IGBP1C: variants seen among roughly 807,000 people sequenced by gnomAD.
IGBP1C encodes immunoglobulin-binding protein 1 family member C.
At chr17:58,671,312 T>A in the IGBP1C span, among the ~76,000 whole-genome samples, 1 of 152,202 alleles carries the variant, frequency 6.6e-6, no homozygotes, top group East Asian at 1.9e-4. Flanking sequence ...TAACTTTTTG[T>A]GCCATCCCCT....
the IGBP1C span, among the ~76,000 whole-genome samples, chr17:58,667,865 C>T: frequency 6.6e-6 from 1 of 150,928 alleles, no homozygotes; most frequent in Admixed American, 6.6e-5. Flanking sequence ...CGCACTCCAG[C>T]CTGGGCGACA....
At chr17:58,679,044 C>T in the IGBP1C span, among the ~76,000 whole-genome samples, 54 of 151,998 alleles carry the variant, frequency 3.6e-4, no homozygotes, top group Middle Eastern at 3.4e-3. Flanking sequence ...ATCCCAGCTA[C>T]TCAAGAGGCT....
At chr17:58,686,926 C>A in the IGBP1C span, among the ~76,000 whole-genome samples, 1 of 136,682 alleles carries the variant, frequency 7.3e-6, no homozygotes, top group Non-Finnish European at 1.5e-5. Flanking sequence ...CACCCTAGAG[C>A]GCAGGGGAGG....
the IGBP1C span, among the ~76,000 whole-genome samples, chr17:58,675,853 G>A: frequency 6.6e-6 from 1 of 152,152 alleles, no homozygotes; most frequent in African/African-American, 2.4e-5. Flanking sequence ...GGCCTCCAAA[G>A]GTACGGTGAT....
chr17:58,679,170 A>T, the IGBP1C span, among the ~76,000 whole-genome samples: 1 of 152,130 alleles, frequency 6.6e-6, no homozygotes, highest in East Asian at 1.9e-4. Context: ...AAAGAAAAAA[A>T]ACAGAAGGAC....
At chr17:58,684,548 T>A in the IGBP1C span, among the ~76,000 whole-genome samples, 7 of 150,564 alleles carry the variant, frequency 4.6e-5, no homozygotes, top group African/African-American at 1.5e-4. Context: ...GGCAGGAGAA[T>A]CACTTGAACC....
the IGBP1C span, among the ~76,000 whole-genome samples, chr17:58,662,729 T>G: frequency 9.1e-4 from 139 of 152,234 alleles, 1 homozygote; most frequent in African/African-American, 3.3e-3. Context: ...GAAGGAAGGG[T>G]TGATGCTCAG....
the IGBP1C span, among the ~76,000 whole-genome samples, chr17:58,690,403 C>T: frequency 6.6e-6 from 1 of 152,060 alleles, no homozygotes; most frequent in Non-Finnish European, 1.5e-5. Context: ...TGAGATCAAG[C>T]GATGTGCCCT....
At chr17:58,688,941 T>A in the IGBP1C span, among the ~76,000 whole-genome samples, 169 of 151,988 alleles carry the variant, frequency 1.1e-3, 1 homozygote, top group African/African-American at 3.7e-3. Flanking sequence ...ATACATATAT[T>A]TTTTTTTGAG....
At chr17:58,664,253 T>C in the IGBP1C span, among the ~76,000 whole-genome samples, 1 of 152,190 alleles carries the variant, frequency 6.6e-6, no homozygotes, top group South Asian at 2.1e-4. Context: ...CTTTCAATGG[T>C]ATCCATGAAT....
At chr17:58,687,625 A>G in the IGBP1C span, among the ~76,000 whole-genome samples, 2 of 151,894 alleles carry the variant, frequency 1.3e-5, no homozygotes, top group East Asian at 3.9e-4. Flanking sequence ...GAGCCACTGC[A>G]CCCGGCCGTG....
At chr17:58,678,606 T>C in the IGBP1C span, among the ~76,000 whole-genome samples, 31 of 151,828 alleles carry the variant, frequency 2.0e-4, no homozygotes, top group Non-Finnish European at 2.9e-5. Context: ...TTCTCACTCA[T>C]AGGTGGGAAT....
At chr17:58,676,184 T>C in the IGBP1C span, among the ~76,000 whole-genome samples, 2 of 152,124 alleles carry the variant, frequency 1.3e-5, no homozygotes, top group African/African-American at 4.8e-5. Context: ...AAGCCCAGCC[T>C]GGCCAAAATG....
chr17:58,661,392 A>G, the IGBP1C span: 1 of 890,492 alleles, frequency 1.1e-6, no homozygotes, highest in Non-Finnish European at 1.9e-6. Flanking sequence ...ATCTCCTCCA[A>G]ATCTTCATTT....
chr17:58,674,994 A>C, the IGBP1C span, among the ~76,000 whole-genome samples: 1 of 151,734 alleles, frequency 6.6e-6, no homozygotes, highest in African/African-American at 2.4e-5. Flanking sequence ...AAAAACACAA[A>C]AATTAGCTGG....
At chr17:58,687,208 C>A in the IGBP1C span, among the ~76,000 whole-genome samples, 3 of 152,076 alleles carry the variant, frequency 2.0e-5, no homozygotes, top group African/African-American at 7.2e-5. Flanking sequence ...TTATCCACTG[C>A]GACATCTAGA....
At chr17:58,660,615 G>A in the IGBP1C span, 2 of 791,946 alleles carry the variant, frequency 2.5e-6, no homozygotes, top group Non-Finnish European at 4.7e-6. Context: ...CCCCTAGGGT[G>A]GGTGTCCTTC....
the IGBP1C span, among the ~76,000 whole-genome samples, chr17:58,662,042 C>T: frequency 1.3e-5 from 2 of 151,866 alleles, no homozygotes; most frequent in Non-Finnish European, 2.9e-5. Flanking sequence ...GCATCAGGCC[C>T]GGATTTGGTA....
chr17:58,672,078 G>A, the IGBP1C span, among the ~76,000 whole-genome samples: 5,360 of 152,258 alleles, frequency 0.035, 152 homozygotes, highest in East Asian at 0.077. Flanking sequence ...TCAGGCATTA[G>A]TTAGGTTCTC....
Sources: gnomAD v4.1 joint callset for allele counts (sites outside exome capture counted in the v4.1 genomes callset) on GRCh38, gnomAD v4.1.1 for gene constraint, MANE v1.5 for transcripts, NCBI Gene and HGNC (gene_info 2026-07-23, HGNC 2026-07-21) for gene names.